The following AFF2 variants were observed in gnomAD, a reference collection of about 807,000 sequenced individuals.
The protein encoded by AFF2 is AF4/FMR2 family member 2.
In AFF2, 14 loss-of-function variants were observed where a neutral mutation model predicts 76.9. The observed-to-expected ratio is 0.18, with a 90% CI of 0.12 to 0.28. The LOEUF (loss-of-function observed/expected upper bound fraction) is 0.28, where lower values mean the gene tolerates loss of function less well. Among genes scored for constraint, AFF2 ranks in the 10% least tolerant of loss-of-function variants. The pLI, the probability that AFF2 is intolerant of heterozygous loss-of-function variation, is 1.00. For missense variants in AFF2, 868 were observed against 1,001.1 expected (o/e 0.87, Z 1.79); for synonymous variants, 398 against 366.7 (o/e 1.09, Z -0.98).
At chrX:148,900,413 A>T (rs1455803759) in intron 8 of AFF2, among the ~76,000 whole-genome samples, 1 of 111,995 alleles carries the variant, frequency 8.9e-6, no homozygotes, top group Non-Finnish European at 1.9e-5. Context: ...GAGTGAGCAA[A>T]TCTGAGCCTG....
chrX:148,984,135 G>A (rs1193108926), intron 19 of AFF2, among the ~76,000 whole-genome samples: 1 of 109,449 alleles, frequency 9.1e-6, no homozygotes, highest in Non-Finnish European at 1.9e-5. Context: ...ATCTTGAGTA[G>A]GGATTTTAGA....
chrX:148,668,911 C>A (rs782619482), intron 3 of AFF2, among the ~76,000 whole-genome samples: 1 of 112,530 alleles, frequency 8.9e-6, no homozygotes, highest in Non-Finnish European at 1.9e-5. Flanking sequence ...ATGTGATTTT[C>A]TTTTCTATTG....
chrX:148,793,891 C>T (rs782059230), intron 3 of AFF2, among the ~76,000 whole-genome samples: 79 of 111,975 alleles, frequency 7.1e-4, no homozygotes, highest in African/African-American at 2.4e-3. Context: ...ATGAGAGTAT[C>T]CACTCATTTC....
At chrX:148,677,649 A>G (rs1178011355) in intron 3 of AFF2, among the ~76,000 whole-genome samples, 2 of 112,462 alleles carry the variant, frequency 1.8e-5, no homozygotes, top group African/African-American at 6.5e-5. Context: ...TCTTGTACTG[A>G]TAGCTGTGGA....
In AFF2 at chrX:148,652,146, T is replaced by C; in HGVS notation, c.180+15T>C. ...TAGCTGAATATGTATGTAATTTTTC[T>C]TTCTGGAAAATGGTTGCTTGTTACA... On this transcript the variant is annotated intron_variant, in intron 2 of 20. Transcript: ENST00000370460. The C allele has an allele frequency of 8.6e-7, 1 of 1,167,914 alleles. No individual in the cohort carries two copies. The highest frequency in any genetic ancestry group is 1.2e-6 in the Non-Finnish European group (1 of 863,236).
At position 148,991,335 on chromosome X, in the gene AFF2, G is replaced by T. The variant is rs782698232; in HGVS notation, c.*3G>T. On this transcript the variant is annotated 3_prime_UTR_variant, in exon 21 of 21. Transcript: ENST00000370460. ...GCATCGATGCCCACTTGTTGTAGTG[G>T]GTGTTCTCAGATCTCTAGCATCACG... is the stretch of plus-strand genomic sequence containing the variant. The T allele has an allele frequency of 8.4e-7, 1 of 1,196,292 alleles. No individual in the cohort carries two copies. The highest frequency in any genetic ancestry group is 1.1e-6 in the Non-Finnish European group (1 of 887,556).
intron 4 of AFF2, among the ~76,000 whole-genome samples, chrX:148,835,468 T>G (rs937796163): frequency 1.8e-4 from 18 of 102,278 alleles, no homozygotes; most frequent in Non-Finnish European, 2.8e-4. Context: ...AATTTACATA[T>G]CCATCACGTC....
At chrX:148,509,241 A>C (rs911172158) in intron 1 of AFF2, among the ~76,000 whole-genome samples, 1 of 112,125 alleles carries the variant, frequency 8.9e-6, no homozygotes, top group African/African-American at 3.2e-5. Context: ...TAAGTAGGCA[A>C]AACAGTCCTG....
chrX:148,785,458 C>T lies in AFF2; in HGVS notation c.1042-24418C>T, dbSNP rs181273647. On this transcript the variant is annotated intron_variant, in intron 3 of 20. Transcript: ENST00000370460. ...TATTTCCTCATTTCTTCACCCAGGT[C>T]GGCCTCATTTTGTGGCTTGGTGCAC... is the stretch of plus-strand genomic sequence containing the variant. Among the ~76,000 whole-genome samples the T allele has an allele frequency of 7.2e-5, 8 of 111,639 alleles. No homozygotes were observed. The Admixed American group carries it at 7.6e-4, about 11-fold the overall frequency.
chrX:148,599,304 A>G (rs1207600655), intron 1 of AFF2, among the ~76,000 whole-genome samples: 2 of 112,489 alleles, frequency 1.8e-5, no homozygotes, highest in African/African-American at 6.5e-5. Flanking sequence ...AAAAATATAT[A>G]TGTAAAACAA....
chrX:148,586,955 C>T (rs1323100471), intron 1 of AFF2, among the ~76,000 whole-genome samples: 1 of 111,211 alleles, frequency 9.0e-6, no homozygotes, highest in Non-Finnish European at 1.9e-5. Context: ...CCTCCATCCT[C>T]CTTCCCCCTT....
At chrX:148,964,926 C>G (rs1267861876) in intron 13 of AFF2, among the ~76,000 whole-genome samples, 2 of 112,521 alleles carry the variant, frequency 1.8e-5, no homozygotes, top group Non-Finnish European at 1.9e-5. Context: ...ATCATCAAAT[C>G]AGGAAAGTGA....
At chrX:148,633,430 TG>T (rs1557253303) in intron 1 of AFF2, among the ~76,000 whole-genome samples, 1 of 112,262 alleles carries the variant, frequency 8.9e-6, no homozygotes, top group Non-Finnish European at 1.9e-5. Flanking sequence ...CCCTCAATTG[TG>T]GATGTGCATA....
chrX:148,934,882 T>C (rs2071754629), intron 9 of AFF2, among the ~76,000 whole-genome samples: 1 of 111,816 alleles, frequency 8.9e-6, no homozygotes, highest in African/African-American at 3.3e-5. Context: ...TCAATTGTCA[T>C]TGAAAGGCGG....
chrX:148,606,098 C>A (rs2053669987), intron 1 of AFF2, among the ~76,000 whole-genome samples: 1 of 112,353 alleles, frequency 8.9e-6, no homozygotes, highest in Non-Finnish European at 1.9e-5. Flanking sequence ...GATATTTGCC[C>A]AAAGGCATAA....
At chrX:148,932,649 A>G (rs2071727302) in intron 9 of AFF2, among the ~76,000 whole-genome samples, 1 of 111,780 alleles carries the variant, frequency 8.9e-6, no homozygotes, top group South Asian at 3.7e-4. Context: ...GACTGTGAAG[A>G]TTGAGAACAC....
At chrX:148,609,379 A>G (rs2053704908) in intron 1 of AFF2, among the ~76,000 whole-genome samples, 1 of 111,549 alleles carries the variant, frequency 9.0e-6, no homozygotes, top group South Asian at 3.7e-4. Flanking sequence ...TGCCATGGAA[A>G]TGTGGTTTGA....
chrX:148,522,421 G>T (rs2052612340), intron 1 of AFF2, among the ~76,000 whole-genome samples: 1 of 112,260 alleles, frequency 8.9e-6, no homozygotes, highest in South Asian at 3.7e-4. Context: ...GGACTTTCTG[G>T]GCATGGAATT....
intron 1 of AFF2, among the ~76,000 whole-genome samples, chrX:148,567,323 A>G (rs1371760771): frequency 2.7e-5 from 3 of 111,263 alleles, no homozygotes; most frequent in Non-Finnish European, 5.7e-5. Flanking sequence ...CAGATACAAT[A>G]TTTACTAGCC....
Sources: allele counts gnomAD v4.1 joint callset (sites outside exome capture counted in the v4.1 genomes callset), GRCh38; gene constraint gnomAD v4.1.1; transcripts MANE v1.5; gene names NCBI Gene and HGNC (gene_info 2026-07-23, HGNC 2026-07-21).